The following GCNT2 variants were observed in gnomAD, a reference collection of about 807,000 sequenced individuals.
GCNT2 encodes the protein N-acetyllactosaminide beta-1,6-N-acetylglucosaminyl-transferase.
A neutral mutation model predicts 34.2 loss-of-function variants in GCNT2; 34 were observed. The ratio of observed to expected loss-of-function variants is 1.00; its 90% CI spans 0.76 to 1.32. The LOEUF (loss-of-function observed/expected upper bound fraction) is 1.32. GCNT2 is among the 40% of genes most tolerant of loss of function. GCNT2 has a pLI of 0.00. For missense variants in GCNT2, 584 were observed against 489.4 expected, an observed-to-expected ratio of 1.19 and a Z score of -1.82; for synonymous variants, 212 against 188.0, an observed-to-expected ratio of 1.13 and a Z score of -1.04.
chr6:10,571,579 CTGACCTCAGG>C (rs1259601109), intron 3 of GCNT2, among the ~76,000 whole-genome samples: 2 of 152,142 alleles, frequency 1.3e-5, no homozygotes, highest in Non-Finnish European at 2.9e-5. Context: ...TCTTGAACTC[CTGACCTCAGG>C]TGACCCACCC....
intron 3 of GCNT2, among the ~76,000 whole-genome samples, chr6:10,595,940 A>G (rs16870521): frequency 0.014 from 2,149 of 152,306 alleles, 55 homozygotes; most frequent in African/African-American, 0.049. Context: ...AAGCAAAAAA[A>G]CCGAAAATGT....
chr6:10,565,257 A>T (rs1449255886), intron 3 of GCNT2, among the ~76,000 whole-genome samples: 1 of 152,190 alleles, frequency 6.6e-6, no homozygotes, highest in Non-Finnish European at 1.5e-5. Flanking sequence ...AGAAAAACAG[A>T]TCTGACAGTG....
intron 3 of GCNT2, among the ~76,000 whole-genome samples, chr6:10,588,890 C>T (rs78524222): frequency 7.1e-6 from 1 of 140,218 alleles, no homozygotes; most frequent in African/African-American, 2.7e-5. Flanking sequence ...GTGTTTGTAG[C>T]GTGTGTGTTG....
intron 3 of GCNT2, among the ~76,000 whole-genome samples, chr6:10,616,093 C>A (rs1765746655): frequency 6.6e-6 from 1 of 152,172 alleles, no homozygotes; most frequent in Admixed American, 6.5e-5. Context: ...TTTGTTCCCT[C>A]TAATGTTTGG....
At chr6:10,593,599 A>C (rs1415406714) in intron 3 of GCNT2, among the ~76,000 whole-genome samples, 2 of 152,162 alleles carry the variant, frequency 1.3e-5, no homozygotes, top group Admixed American at 1.3e-4. Context: ...GCCTCCTACA[A>C]GTGCTGAGAT....
chr6:10,573,133 T>A, intron 3 of GCNT2: 1 of 953,828 alleles, frequency 1.0e-6, no homozygotes. Context: ...TTGAAAGTGT[T>A]CGGAAGATAT....
intron 3 of GCNT2, among the ~76,000 whole-genome samples, chr6:10,562,833 G>A (rs1389654819): frequency 6.6e-6 from 1 of 152,080 alleles, no homozygotes; most frequent in East Asian, 1.9e-4. Context: ...GCTGGGCAGA[G>A]CAAAGCACAG....
In GCNT2 at chr6:10,542,167, A is replaced by G. The variant is rs565485931; in HGVS notation, c.925+12331A>G. Among the ~76,000 whole-genome samples, 7 of 152,318 alleles carry G rather than the reference A, an allele frequency of 4.6e-5. No individual in the cohort carries two copies. In the South Asian group the frequency reaches 1.4e-3, roughly 32 times the overall value. ...AAGAAAAAATATCCAACAGGTTTCT[A>G]CCGTCCAAGTCACTGATAGAATCTA... On this transcript the variant is annotated intron_variant, in intron 3 of 4. Coordinates refer to ENST00000495262, the MANE Select transcript of GCNT2 (RefSeq NM_145649.5).
At chr6:10,616,907 C>T (rs1441253064) in intron 3 of GCNT2, among the ~76,000 whole-genome samples, 1 of 152,212 alleles carries the variant, frequency 6.6e-6, no homozygotes, top group Non-Finnish European at 1.5e-5. Flanking sequence ...GAGCTAGAGA[C>T]AGAGTGCTGA....
chr6:10,606,018 G>A (rs1175571161), intron 3 of GCNT2, among the ~76,000 whole-genome samples: 4 of 152,070 alleles, frequency 2.6e-5, no homozygotes, highest in Non-Finnish European at 5.9e-5. Flanking sequence ...GTCAACAAAT[G>A]TTTTTTAAGT....
At chr6:10,584,520 G>A (rs757722575) in intron 3 of GCNT2, among the ~76,000 whole-genome samples, 4 of 152,078 alleles carry the variant, frequency 2.6e-5, no homozygotes, top group African/African-American at 7.2e-5. Flanking sequence ...ATGTCGGGCT[G>A]GGGGGCTGTA....
At chr6:10,565,028 C>T (rs1382045283) in intron 3 of GCNT2, among the ~76,000 whole-genome samples, 1 of 152,212 alleles carries the variant, frequency 6.6e-6, no homozygotes, top group East Asian at 1.9e-4. Flanking sequence ...GCAATGGTAG[C>T]ACATGAACTG....
chr6:10,536,358 T>A (rs979421104), intron 3 of GCNT2, among the ~76,000 whole-genome samples: 28 of 150,912 alleles, frequency 1.9e-4, no homozygotes, highest in African/African-American at 4.1e-4. Flanking sequence ...TTTTGTCAAC[T>A]TCTTCTTTTT....
At chr6:10,530,127 G>A (rs1016127446) in intron 3 of GCNT2, 17 of 313,242 alleles carry the variant, frequency 5.4e-5, no homozygotes, top group Non-Finnish European at 9.1e-5. Flanking sequence ...TTTGGGAGGC[G>A]GAGGCAGGTG....
At chr6:10,624,186 T>C (rs948822736) in intron 4 of GCNT2, among the ~76,000 whole-genome samples, 3 of 152,214 alleles carry the variant, frequency 2.0e-5, no homozygotes, top group African/African-American at 7.2e-5. Context: ...TCAGCTTTCC[T>C]GCTCACCTTT....
intron 3 of GCNT2, among the ~76,000 whole-genome samples, chr6:10,537,839 G>T (rs372121895): frequency 6.6e-6 from 1 of 151,510 alleles, no homozygotes; most frequent in Non-Finnish European, 1.5e-5. Flanking sequence ...TTAGCCTACC[G>T]ATGGGCAAAA....
intron 3 of GCNT2, chr6:10,556,785 T>G: frequency 1.2e-6 from 2 of 1,614,134 alleles, no homozygotes; most frequent in African/African-American, 1.3e-5. Context: ...CCCCAAAATA[T>G]CTACTGTGTT....
At chr6:10,617,694 A>T (rs1765843147) in intron 3 of GCNT2, among the ~76,000 whole-genome samples, 1 of 151,526 alleles carries the variant, frequency 6.6e-6, no homozygotes, top group African/African-American at 2.4e-5. Flanking sequence ...TCAGCCTCCC[A>T]AAGTGCTGGG....
intron 3 of GCNT2, among the ~76,000 whole-genome samples, chr6:10,603,235 G>T (rs1049396850): frequency 6.6e-6 from 1 of 152,184 alleles, no homozygotes; most frequent in East Asian, 1.9e-4. Context: ...CAATGGTACA[G>T]GTCCCTTGTA....
Sources: gnomAD v4.1 joint callset for allele counts (sites outside exome capture counted in the v4.1 genomes callset) on GRCh38, gnomAD v4.1.1 for gene constraint, MANE v1.5 for transcripts, NCBI Gene and HGNC (gene_info 2026-07-23, HGNC 2026-07-21) for gene names.